Variants in CMTM7 observed in about 807,000 individuals in gnomAD.
CMTM7 encodes CKLF like MARVEL transmembrane domain containing 7.
Under a neutral mutation model 19.3 loss-of-function variants are expected in CMTM7, and 7 were observed. That is an observed-to-expected ratio of 0.36 (90% CI 0.21 to 0.68). The LOEUF (loss-of-function observed/expected upper bound fraction) is 0.68. CMTM7 is among the 30% of genes least tolerant of loss of function. The pLI is 0.60. For synonymous variants in CMTM7, 87 were observed against 99.3 expected, an observed-to-expected ratio of 0.88 and a Z score of 0.74; for missense variants, 193 against 232.6, an observed-to-expected ratio of 0.83 and a Z score of 1.11.
intron 1 of CMTM7, among the ~76,000 whole-genome samples, chr3:32,419,488 T>C (rs1018921633): frequency 2.6e-5 from 4 of 152,222 alleles, no homozygotes; most frequent in Admixed American, 2.6e-4. Context: ...AAGTATCATG[T>C]TAGCTGTGGG....
At chr3:32,431,864 G>T (rs1440540702) in intron 1 of CMTM7, among the ~76,000 whole-genome samples, 1 of 152,240 alleles carries the variant, frequency 6.6e-6, no homozygotes, top group East Asian at 1.9e-4. Flanking sequence ...GGGCACAGTG[G>T]CTCACGCCTG....
At chr3:32,408,016 G>A (rs1696114042) in intron 1 of CMTM7, among the ~76,000 whole-genome samples, 1 of 152,264 alleles carries the variant, frequency 6.6e-6, no homozygotes, top group African/African-American at 2.4e-5. Context: ...GAAATAAGGG[G>A]ATCACCCTGG....
In CMTM7 at chr3:32,449,496, G is replaced by A; in HGVS notation, c.376G>A (p.Ala126Thr). ...YLIGTLLLLIASIVAASKSYN... is the reference protein window; with the variant it reads ...YLIGTLLLLITSIVAASKSYN... Reference sequence around the variant, plus strand: ...AATCGGTACCCTGCTCCTCCTCATCGCCTCCATTGTGGCAGCTTCCAAGAG... The same window carrying A: ...AATCGGTACCCTGCTCCTCCTCATCACCTCCATTGTGGCAGCTTCCAAGAG... Residue 126 changes from alanine (A) to threonine (T), a missense_variant, in exon 3 of 5, where the codon GCC (alanine) becomes ACC (threonine). By Grantham distance (58) the Ala-to-Thr change is moderately conservative. Coordinates refer to ENST00000334983, the MANE Select transcript of CMTM7 (RefSeq NM_138410.4). The surrounding 1 kb of genome is among the most constrained non-coding windows in gnomAD (Gnocchi z 4.5). 6.2e-7 allele frequency: 1 copy of A among 1,614,112 alleles called. No individual in the cohort carries two copies. Among genetic ancestry groups the A allele is most frequent in the Non-Finnish European group, 8.5e-7 (1 of 1,179,998 alleles).
intron 1 of CMTM7, among the ~76,000 whole-genome samples, chr3:32,430,111 A>C (rs962109014): frequency 2.6e-5 from 4 of 151,442 alleles, no homozygotes; most frequent in Non-Finnish European, 5.9e-5. Context: ...CGTTCTTTTT[A>C]AGTGTGTGCA....
intron 4 of CMTM7, among the ~76,000 whole-genome samples, chr3:32,452,757 CTT>C (rs369537908): frequency 3.6e-5 from 5 of 140,660 alleles, no homozygotes; most frequent in Admixed American, 1.4e-4. Context: ...CTTTACTTTT[CTT>C]TTTTTTTTTT....
chr3:32,421,166 T>C (rs938710306), intron 1 of CMTM7, among the ~76,000 whole-genome samples: 1 of 152,148 alleles, frequency 6.6e-6, no homozygotes, highest in Non-Finnish European at 1.5e-5. Flanking sequence ...AACTGACTTC[T>C]GTGTCTTTTC....
At chr3:32,398,417 T>C (rs1368842645) in intron 1 of CMTM7, among the ~76,000 whole-genome samples, 25 of 152,134 alleles carry the variant, frequency 1.6e-4, no homozygotes, top group Admixed American at 1.6e-3. Flanking sequence ...TCACCTACTG[T>C]GATCAGCTAA....
At chr3:32,448,446 T>C (rs1393339254) in intron 2 of CMTM7, among the ~76,000 whole-genome samples, 1 of 152,276 alleles carries the variant, frequency 6.6e-6, no homozygotes. Context: ...CATGAAGGAA[T>C]GATTTCTAGA....
At chr3:32,413,411 A>C (rs952012246) in intron 1 of CMTM7, among the ~76,000 whole-genome samples, 3 of 152,214 alleles carry the variant, frequency 2.0e-5, no homozygotes, top group African/African-American at 7.2e-5. Flanking sequence ...CAAATGAATT[A>C]GCTGATTCAT....
chr3:32,395,186 A>G (rs1695897263), intron 1 of CMTM7, among the ~76,000 whole-genome samples: 1 of 151,914 alleles, frequency 6.6e-6, no homozygotes, highest in African/African-American at 2.4e-5. Flanking sequence ...GTATTTTTTG[A>G]TACAGACGGG....
chr3:32,438,542 G>T (rs1340306117), intron 1 of CMTM7, among the ~76,000 whole-genome samples: 1 of 151,628 alleles, frequency 6.6e-6, no homozygotes, highest in African/African-American at 2.4e-5. Context: ...AAGTTGGAAT[G>T]AATGAATCCC....
intron 1 of CMTM7, among the ~76,000 whole-genome samples, chr3:32,411,131 G>T (rs891627985): frequency 2.6e-5 from 4 of 152,228 alleles, no homozygotes; most frequent in African/African-American, 9.6e-5. Context: ...GAATGAGGCA[G>T]AGCCGGCTTC....
chr3:32,414,161 C>T (rs1696222967), intron 1 of CMTM7, among the ~76,000 whole-genome samples: 1 of 152,196 alleles, frequency 6.6e-6, no homozygotes, highest in Non-Finnish European at 1.5e-5. Context: ...TTGGAGAGCA[C>T]TCCCCAGTTA....
intron 2 of CMTM7, among the ~76,000 whole-genome samples, chr3:32,445,205 T>C (rs1479366403): frequency 6.6e-6 from 1 of 152,244 alleles, no homozygotes; most frequent in Non-Finnish European, 1.5e-5. Context: ...TATTTCATTG[T>C]CTTGCCTTAT....
rs1481370930 is a variant in CMTM7 at position 32,449,722 on chromosome 3, C to CA, written c.432+171dup. 6.6e-6 allele frequency among the ~76,000 whole-genome samples: 1 copy of CA among 152,178 alleles called. No individual in the cohort carries two copies. Among genetic ancestry groups the CA allele is most frequent in the African/African-American group, 2.4e-5 (1 of 41,434 alleles). On this transcript the variant is annotated intron_variant, in intron 3 of 4. Coordinates refer to ENST00000334983, the MANE Select transcript of CMTM7 (RefSeq NM_138410.4). The surrounding 1 kb of genome is among the most constrained non-coding windows in gnomAD (Gnocchi z 4.5). ...CCAAAGAGCCTTAAGCAGAGGCGTA[C>CA]AGTCCCAGAAGGTGGATTGTCAGGG...
intron 1 of CMTM7, among the ~76,000 whole-genome samples, chr3:32,426,694 A>G (rs1054102601): frequency 1.3e-5 from 2 of 152,166 alleles, no homozygotes; most frequent in Admixed American, 1.3e-4. Context: ...ACTATTTGAT[A>G]TCTACAGGTT....
intron 1 of CMTM7, among the ~76,000 whole-genome samples, chr3:32,401,255 C>T (rs1370041010): frequency 2.0e-5 from 3 of 152,234 alleles, no homozygotes; most frequent in Non-Finnish European, 4.4e-5. Context: ...ATTCAGGCTG[C>T]AGAGCTTAAG....
Position 32,396,559 on chromosome 3 carries a change from G to A in CMTM7, c.159+4494G>A, listed in dbSNP as rs563448936. ...GGTGATGGTGATGTTGCACAACTCT[G>A]TGAATATATTAAAAACCACCGAGAT... On this transcript the variant is annotated intron_variant, in intron 1 of 4. Coordinates refer to ENST00000334983, the MANE Select transcript of CMTM7 (RefSeq NM_138410.4). 3.3e-5 allele frequency among the ~76,000 whole-genome samples: 4 copies of A among 121,142 alleles called. No individual in the cohort carries two copies. The East Asian group carries it at 9.9e-4, about 30-fold the overall frequency. The allele number at this position is 121,142 out of a possible 152,430, so 79.5% of individuals were successfully genotyped here.
At chr3:32,453,443 C>T (rs1696865837) in intron 4 of CMTM7, among the ~76,000 whole-genome samples, 1 of 152,166 alleles carries the variant, frequency 6.6e-6, no homozygotes, top group Admixed American at 6.5e-5. Flanking sequence ...TCCTACTTAG[C>T]CACTGACCAA....
Sources: gnomAD v4.1 joint callset for allele counts (sites outside exome capture counted in the v4.1 genomes callset) on GRCh38, gnomAD v4.1.1 for gene constraint, Gnocchi (gnomAD v3.1) non-coding constraint, MANE v1.5 for transcripts, NCBI Gene and HGNC (gene_info 2026-07-23, HGNC 2026-07-21) for gene names.